Variants in ABCC1 observed in about 807,000 individuals in gnomAD.
ABCC1 encodes ATP binding cassette subfamily C member 1 (ABCC1 blood group).
A neutral mutation model predicts 172.9 loss-of-function variants in ABCC1; 83 were observed. That is an observed-to-expected ratio of 0.48 (90% CI 0.40 to 0.58). ABCC1 has a LOEUF of 0.58. Ranked by LOEUF, ABCC1 falls within the 20% of genes least tolerant of loss-of-function variation. The pLI, the probability that ABCC1 is intolerant of heterozygous loss-of-function variation, is 0.00. For synonymous variants in ABCC1, 937 were observed against 825.2 expected (o/e 1.14, Z -2.32); for missense variants, 1,817 against 2,002.7 (o/e 0.91, Z 1.77).
chr16:15,950,844 GTTT>G (rs917248442), intron 1 of ABCC1, among the ~76,000 whole-genome samples: 1 of 152,058 alleles, frequency 6.6e-6, no homozygotes, highest in African/African-American at 2.4e-5. Flanking sequence ...TTCTTGTCCT[GTTT>G]TGCCGGCCTT....
At chr16:16,054,007 C>T (rs940820899) in intron 11 of ABCC1, among the ~76,000 whole-genome samples, 2 of 150,604 alleles carry the variant, frequency 1.3e-5, no homozygotes, top group Non-Finnish European at 3.0e-5. Context: ...TGGAGTCTCA[C>T]TTTGTTGCCC....
intron 2 of ABCC1, 124 bp downstream of exon 2, chr16:16,008,116 A>T: frequency 9.9e-7 from 1 of 1,014,522 alleles, no homozygotes. Context: ...TCTAGAAGGC[A>T]GAAGAATAAT....
At chr16:16,043,749 C>T (rs1373073674) in intron 7 of ABCC1, among the ~76,000 whole-genome samples, 1 of 152,018 alleles carries the variant, frequency 6.6e-6, no homozygotes, top group Admixed American at 6.6e-5. Flanking sequence ...TTACAGGCAC[C>T]TGCCATCATG....
chr16:16,130,242 C>T (rs2045620841), intron 26 of ABCC1, among the ~76,000 whole-genome samples: 1 of 152,160 alleles, frequency 6.6e-6, no homozygotes, highest in Non-Finnish European at 1.5e-5. Flanking sequence ...TGCCTTCCTG[C>T]CGGGGTGGGC....
intron 21 of ABCC1, among the ~76,000 whole-genome samples, chr16:16,107,320 C>T (rs1345493940): frequency 1.3e-5 from 2 of 152,096 alleles, no homozygotes; most frequent in East Asian, 1.9e-4. Flanking sequence ...GATGGAGTCT[C>T]ACTCTGTCAC....
intron 5 of ABCC1, among the ~76,000 whole-genome samples, chr16:16,028,645 C>T (rs1377543247): frequency 6.6e-6 from 1 of 152,130 alleles, no homozygotes. Flanking sequence ...GCCTACAAAG[C>T]AAACACCACT....
At position 16,131,774 on chromosome 16, in the gene ABCC1, T is replaced by G; in HGVS notation, c.3820-15T>G. 6.2e-7 allele frequency: 1 copy of G among 1,610,544 alleles called. No individual in the cohort carries two copies. The highest frequency in any genetic ancestry group is 8.5e-7 in the Non-Finnish European group (1 of 1,179,182). On this transcript the variant is annotated splice_polypyrimidine_tract_variant and intron_variant, in intron 26 of 30. Coordinates refer to ENST00000399410, the MANE Select transcript of ABCC1 (RefSeq NM_004996.4). ...ACTGGAAATTCCTTACTCTCTCCCT[T>G]CACTGCGATCGAAGGCGCCCTGGCA...
intron 14 of ABCC1, among the ~76,000 whole-genome samples, chr16:16,076,015 T>C (rs2050548776): frequency 8.4e-6 from 1 of 119,050 alleles, no homozygotes; most frequent in Non-Finnish European, 1.9e-5. Context: ...ATCGAGAGCA[T>C]TGAGTAATTC....
At chr16:15,959,820 A>G (rs747049538) in intron 1 of ABCC1, among the ~76,000 whole-genome samples, 3 of 152,184 alleles carry the variant, frequency 2.0e-5, no homozygotes, top group Non-Finnish European at 2.9e-5. Flanking sequence ...CCCCTAGGCT[A>G]GCATCCTGTA....
In ABCC1 at chr16:16,007,243, T is replaced by TGTGTGA. The variant is rs1305978468; in HGVS notation, c.49-572_49-571insTGTGAG. On this transcript the variant is annotated intron_variant, in intron 1 of 30. Coordinates refer to ENST00000399410, the MANE Select transcript of ABCC1 (RefSeq NM_004996.4). ...GTGTGTGTGTGTGTGTGTGTGTGTG[T>TGTGTGA]GAGAGACAGGGTCTCGCTCTGTTGC... Among the ~76,000 whole-genome samples, 115 of 151,310 alleles carry TGTGTGA rather than the reference T, an allele frequency of 7.6e-4. No individual in the cohort carries two copies. In the Middle Eastern group the frequency reaches 0.01, roughly 14 times the overall value.
At chr16:16,118,664 C>T (rs2045012595) in intron 23 of ABCC1, among the ~76,000 whole-genome samples, 4 of 151,414 alleles carry the variant, frequency 2.6e-5, no homozygotes, top group Admixed American at 2.6e-4. Context: ...TTTTCAACAA[C>T]AAAGGAAATG....
chr16:16,104,882 C>T (rs2051998432), intron 20 of ABCC1, among the ~76,000 whole-genome samples: 1 of 152,210 alleles, frequency 6.6e-6, no homozygotes, highest in South Asian at 2.1e-4. Context: ...TGCTAAGCCC[C>T]TCACTACCCG....
chr16:15,986,217 G>T (rs1475556110), intron 1 of ABCC1, among the ~76,000 whole-genome samples: 5 of 152,162 alleles, frequency 3.3e-5, no homozygotes, highest in African/African-American at 1.2e-4. Context: ...TTATAGGCAT[G>T]AGCCACCACG....
intron 2 of ABCC1, among the ~76,000 whole-genome samples, chr16:16,009,358 T>C (rs979827722): frequency 2.0e-5 from 3 of 152,196 alleles, no homozygotes; most frequent in Non-Finnish European, 4.4e-5. Flanking sequence ...CATTTGAGAA[T>C]GGATGCACCT....
intron 5 of ABCC1, among the ~76,000 whole-genome samples, chr16:16,030,431 G>A (rs543407010): frequency 3.7e-4 from 56 of 152,088 alleles, no homozygotes; most frequent in African/African-American, 1.2e-3. Context: ...AGGCCGAGGC[G>A]GGAGGATCAC....
chr16:16,124,922 G>A lies in ABCC1; in HGVS notation c.3717+7G>A. 6.2e-7 allele frequency: 1 copy of A among 1,614,202 alleles called. No individual in the cohort carries two copies. The highest frequency in any genetic ancestry group is 8.5e-7 in the Non-Finnish European group (1 of 1,180,022). ...AGTGTCTTACTCATTGCAGGTAAGA[G>A]GGGATGCTCTTGGCTGGATTATTAA... On this transcript the variant is annotated splice_region_variant and intron_variant, in intron 25 of 30. Transcript: ENST00000399410.
rs1386250688 is a variant in ABCC1, at chr16:16,136,659, A to G, written c.4292+15A>G. Reference sequence around the variant, plus strand: ...GAGAACCTCAGGTAGGCGGGGGTGAACAAGGAGACACCGGGTAAGGTGTCC... The same window carrying G: ...GAGAACCTCAGGTAGGCGGGGGTGAGCAAGGAGACACCGGGTAAGGTGTCC... On this transcript the variant is annotated intron_variant, in intron 29 of 30. Coordinates refer to ENST00000399410, the MANE Select transcript of ABCC1 (RefSeq NM_004996.4). 4.3e-6 allele frequency: 7 copies of G among 1,613,332 alleles called. No homozygotes were observed. Among genetic ancestry groups the G allele is most frequent in the African/African-American group, 2.7e-5 (2 of 74,874 alleles).
chr16:15,991,196 C>T (rs930336694), intron 1 of ABCC1, among the ~76,000 whole-genome samples: 2 of 151,886 alleles, frequency 1.3e-5, no homozygotes, highest in Admixed American at 6.6e-5. Context: ...TGGCGTTTAG[C>T]GTCCAGCTCA....
intron 8 of ABCC1, 25 bp downstream of exon 8, chr16:16,044,705 G>T (rs529487919): frequency 6.2e-7 from 1 of 1,600,528 alleles, no homozygotes; most frequent in South Asian, 1.1e-5. Context: ...CTCCCAGGTG[G>T]GCTCCATTTT....
Sources: allele counts gnomAD v4.1 joint callset (sites outside exome capture counted in the v4.1 genomes callset), GRCh38; gene constraint gnomAD v4.1.1; transcripts MANE v1.5; gene names NCBI Gene and HGNC (gene_info 2026-07-23, HGNC 2026-07-21).